The following SH3BGRL2 variants were observed in gnomAD, a reference collection of about 807,000 sequenced individuals.
SH3BGRL2 encodes SH3 domain-binding glutamic acid-rich-like protein 2.
A neutral mutation model predicts 14.8 loss-of-function variants in SH3BGRL2; 21 were observed. The observed-to-expected ratio is 1.42, with a 90% CI of 1.01 to 2.05. The LOEUF (loss-of-function observed/expected upper bound fraction) is 2.05. Among genes scored for constraint, SH3BGRL2 ranks in the 30% most tolerant of loss-of-function variants. The probability of loss-of-function intolerance (pLI) is 0.00; values close to 1 mark genes in which losing one functional copy is unlikely to be tolerated. For missense variants in SH3BGRL2, 147 were observed against 130.8 expected (o/e 1.12, Z -0.61); for synonymous variants, 50 against 47.8 (o/e 1.05, Z -0.19).
chr6:79,699,039 C>G (rs2127740615), intron 3 of SH3BGRL2, among the ~76,000 whole-genome samples: 1 of 151,570 alleles, frequency 6.6e-6, no homozygotes, highest in East Asian at 2.0e-4. Flanking sequence ...TGCCAGATGT[C>G]AGCTCTTTAT....
At chr6:79,686,878 C>T (rs191132449) in intron 2 of SH3BGRL2, among the ~76,000 whole-genome samples, 3 of 152,054 alleles carry the variant, frequency 2.0e-5, no homozygotes, top group African/African-American at 2.4e-5. Context: ...CTCAGGTGCC[C>T]GTGAAAGAGC....
At chr6:79,614,419 C>T in the SH3BGRL2 span, among the ~76,000 whole-genome samples, 1 of 152,096 alleles carries the variant, frequency 6.6e-6, no homozygotes, top group Non-Finnish European at 1.5e-5. Context: ...AAAGGGATTT[C>T]CCCAGGGCAC....
the SH3BGRL2 span, among the ~76,000 whole-genome samples, chr6:79,571,882 C>G: frequency 1.7e-3 from 262 of 152,244 alleles, no homozygotes; most frequent in African/African-American, 5.9e-3. Flanking sequence ...CCATAATGAT[C>G]TAAGAAGCTC....
At chr6:79,586,873 A>G in the SH3BGRL2 span, among the ~76,000 whole-genome samples, 30,453 of 152,214 alleles carry the variant, frequency 0.2, 3,244 homozygotes, top group Non-Finnish European at 0.22. Context: ...GTGCAGGACA[A>G]AAAAGGTGTT....
At chr6:79,595,565 A>T in the SH3BGRL2 span, among the ~76,000 whole-genome samples, 1 of 152,248 alleles carries the variant, frequency 6.6e-6, no homozygotes, top group African/African-American at 2.4e-5. Context: ...AATACACCAA[A>T]AAATAAAAAC....
the SH3BGRL2 span, among the ~76,000 whole-genome samples, chr6:79,584,663 T>C: frequency 1.3e-5 from 2 of 152,170 alleles, no homozygotes; most frequent in East Asian, 3.9e-4. Context: ...GAGGGGAACA[T>C]ATGATAATTT....
the SH3BGRL2 span, among the ~76,000 whole-genome samples, chr6:79,580,396 A>G: frequency 6.6e-6 from 1 of 152,218 alleles, no homozygotes; most frequent in South Asian, 2.1e-4. Context: ...TTGGAAGTAA[A>G]GCACTCCTCA....
chr6:79,681,283 A>T (rs562860923), intron 2 of SH3BGRL2, among the ~76,000 whole-genome samples: 2 of 152,238 alleles, frequency 1.3e-5, no homozygotes, highest in African/African-American at 4.8e-5. Context: ...ATCATTTTCC[A>T]TGAGTTTTAA....
chr6:79,618,916 A>AAAAAAAAAAAAAAAAAAT, the SH3BGRL2 span, among the ~76,000 whole-genome samples: 2 of 148,480 alleles, frequency 1.3e-5, no homozygotes, highest in African/African-American at 4.9e-5. Flanking sequence ...GACTCTGTCA[A>AAAAAAAAAAAAAAAAAAT]AAAAAAAAAA....
the SH3BGRL2 span, among the ~76,000 whole-genome samples, chr6:79,559,949 A>G: frequency 6.6e-6 from 1 of 152,138 alleles, no homozygotes; most frequent in African/African-American, 2.4e-5. Flanking sequence ...TTTGGATTTG[A>G]AATTGTTTCT....
intron 2 of SH3BGRL2, among the ~76,000 whole-genome samples, chr6:79,674,303 T>C (rs1244978165): frequency 6.6e-6 from 1 of 152,118 alleles, no homozygotes; most frequent in Non-Finnish European, 1.5e-5. Context: ...TTTCTTATGA[T>C]AATGAGCCAG....
chr6:79,582,720 C>G, the SH3BGRL2 span, among the ~76,000 whole-genome samples: 1,283 of 152,268 alleles, frequency 8.4e-3, 46 homozygotes, highest in East Asian at 0.055. Flanking sequence ...AGGACATAGG[C>G]ATGGGCAAGG....
chr6:79,637,841 T>A (rs1233594947), intron 1 of SH3BGRL2, among the ~76,000 whole-genome samples: 1 of 152,194 alleles, frequency 6.6e-6, no homozygotes, highest in African/African-American at 2.4e-5. Context: ...AAAACATATA[T>A]GATAATGTTT....
chr6:79,556,800 T>G, the SH3BGRL2 span, among the ~76,000 whole-genome samples: 1 of 151,966 alleles, frequency 6.6e-6, no homozygotes, highest in Non-Finnish European at 1.5e-5. Flanking sequence ...ATAATAACGT[T>G]TGTAAAATTT....
the SH3BGRL2 span, among the ~76,000 whole-genome samples, chr6:79,606,564 G>A: frequency 7.2e-5 from 11 of 152,114 alleles, no homozygotes; most frequent in East Asian, 1.9e-4. Flanking sequence ...TAGAAGCCAC[G>A]TGCTTTTTGG....
chr6:79,697,150 G>A (rs1770348747), intron 3 of SH3BGRL2, among the ~76,000 whole-genome samples: 1 of 151,828 alleles, frequency 6.6e-6, no homozygotes, highest in African/African-American at 2.4e-5. Context: ...TTTCAAAAAA[G>A]AAAAAACATT....
intron 1 of SH3BGRL2, among the ~76,000 whole-genome samples, chr6:79,652,747 AT>A (rs879736078): frequency 0.016 from 2,410 of 150,942 alleles, 35 homozygotes; most frequent in African/African-American, 0.028. Context: ...ACTTTTAGAA[AT>A]TTTTTTTTTA....
the SH3BGRL2 span, among the ~76,000 whole-genome samples, chr6:79,615,291 T>C: frequency 6.6e-6 from 1 of 152,180 alleles, no homozygotes; most frequent in African/African-American, 2.4e-5. Flanking sequence ...TGGGCTGGAT[T>C]ACACCATAAG....
chr6:79,555,251 A>G, the SH3BGRL2 span, among the ~76,000 whole-genome samples: 1 of 152,040 alleles, frequency 6.6e-6, no homozygotes, highest in African/African-American at 2.4e-5. Flanking sequence ...CGAGTTCAAG[A>G]CCAGCCTAGC....
Sources: allele counts gnomAD v4.1 joint callset (sites outside exome capture counted in the v4.1 genomes callset), GRCh38; gene constraint gnomAD v4.1.1; transcripts MANE v1.5; gene names NCBI Gene and HGNC (gene_info 2026-07-23, HGNC 2026-07-21).